Variants in PRKAR1A observed in about 807,000 individuals in gnomAD.
The protein encoded by PRKAR1A is cAMP-dependent protein kinase type I-alpha regulatory subunit.
Under a neutral mutation model 52.0 loss-of-function variants are expected in PRKAR1A, and 3 were observed. That is an observed-to-expected ratio of 0.06 (90% confidence interval 0.03 to 0.15). The LOEUF is 0.15. Among genes scored for constraint, PRKAR1A ranks in the 10% least tolerant of loss-of-function variants. PRKAR1A has a pLI of 1.00. For missense variants in PRKAR1A, 240 were observed against 477.4 expected (o/e 0.50, Z 4.63); for synonymous variants, 188 against 168.4 (o/e 1.12, Z -0.90).
At chr17:68,510,621 A>G (rs996368397), upstream of PRKAR1A, among the ~76,000 whole-genome samples, 2 of 152,156 alleles carry the variant, frequency 1.3e-5, no homozygotes, top group Non-Finnish European at 2.9e-5. Flanking sequence ...GCTGCTTGCC[A>G]GCGTAGGGTT....
the PRKAR1A span, chr17:68,433,546 C>T: frequency 1.2e-6 from 2 of 1,613,952 alleles, no homozygotes; most frequent in East Asian, 2.2e-5. Flanking sequence ...TGAATCCATA[C>T]TGAACACTAG....
At chr17:68,550,948 T>C in intron 11 of PRKAR1A, 1 of 669,726 alleles carries the variant, frequency 1.5e-6, no homozygotes, top group Non-Finnish European at 2.1e-6. Flanking sequence ...ACTGGGGCTC[T>C]CAATGGGCCT....
At chr17:68,431,255 G>A in the PRKAR1A span, among the ~76,000 whole-genome samples, 14 of 152,156 alleles carry the variant, frequency 9.2e-5, no homozygotes, top group East Asian at 3.9e-4. Flanking sequence ...AGGGAGAGGC[G>A]GATGAGGTTC....
the PRKAR1A span, chr17:68,420,478 T>G: frequency 5.0e-6 from 8 of 1,603,190 alleles, no homozygotes; most frequent in Non-Finnish European, 6.8e-6. Context: ...CCAATTTTTA[T>G]TCCACGAGGA....
the PRKAR1A span, among the ~76,000 whole-genome samples, chr17:68,477,416 C>T: frequency 6.6e-6 from 1 of 152,192 alleles, no homozygotes; most frequent in Non-Finnish European, 1.5e-5. Context: ...GTTTTACAAT[C>T]TTAATGTCAT....
At chr17:68,491,747 C>G in the PRKAR1A span, among the ~76,000 whole-genome samples, 1 of 151,036 alleles carries the variant, frequency 6.6e-6, no homozygotes, top group East Asian at 1.9e-4. Context: ...TCACAAATAG[C>G]AAAAGCAGAA....
chr17:68,429,147 A>G, the PRKAR1A span, among the ~76,000 whole-genome samples: 2 of 152,180 alleles, frequency 1.3e-5, no homozygotes, highest in African/African-American at 4.8e-5. Flanking sequence ...TGAACGTGAC[A>G]GTGTGGATGA....
chr17:68,538,794 T>C (rs2086171633), intron 11 of PRKAR1A, among the ~76,000 whole-genome samples: 1 of 152,208 alleles, frequency 6.6e-6, no homozygotes, highest in Non-Finnish European at 1.5e-5. Flanking sequence ...AATTGAAAGG[T>C]TTAAAGGATT....
At chr17:68,426,009 A>T in the PRKAR1A span, 2 of 1,276,068 alleles carry the variant, frequency 1.6e-6, no homozygotes, top group Non-Finnish European at 2.3e-6. Flanking sequence ...TGCCTCTCGT[A>T]TGAGGCGAAG....
the PRKAR1A span, chr17:68,420,187 A>C: frequency 6.2e-7 from 1 of 1,613,202 alleles, no homozygotes; most frequent in Non-Finnish European, 8.5e-7. Context: ...TTCCCTCTCT[A>C]GGTGGAGCCA....
the PRKAR1A span, among the ~76,000 whole-genome samples, chr17:68,496,295 G>GCAA: frequency 1.3e-5 from 2 of 151,254 alleles, no homozygotes; most frequent in Non-Finnish European, 2.9e-5. Context: ...ACCTCCCTTG[G>GCAA]CCTCCCAAAG....
Position 68,533,242 on chromosome 17 carries a change from A to C in PRKAR1A, c.*2793A>C, listed in dbSNP as rs533796167. On this transcript the variant is annotated 3_prime_UTR_variant, in exon 11 of 11. Coordinates refer to ENST00000589228, the MANE Select transcript of PRKAR1A (RefSeq NM_002734.5). ...AGATTTCTGAGGAGTGAGATGATTA[A>C]GTTGTATTCATTAGTGTATTGGTAT... is the stretch of plus-strand genomic sequence containing the variant. The C allele has an allele frequency of 9.4e-7, 1 of 1,061,440 alleles. No individual in the cohort carries two copies. The highest frequency in any genetic ancestry group is 1.6e-5 in the African/African-American group (1 of 61,110). The allele number at this position is 1,061,440 out of a possible 1,614,324, so 65.8% of individuals were successfully genotyped here. A position where few individuals can be genotyped will look rare whatever the true frequency, so the allele number is the denominator to read the frequency against.
chr17:68,540,067 G>GA (rs2143463990), intron 11 of PRKAR1A: 2 of 1,005,756 alleles, frequency 2.0e-6, no homozygotes, highest in East Asian at 4.9e-5. Flanking sequence ...CATCACTTGA[G>GA]AGACAGGGGT....
chr17:68,515,910 C>G (rs1174211593), intron 2 of PRKAR1A: 1 of 253,402 alleles, frequency 3.9e-6, no homozygotes, highest in African/African-American at 2.3e-5. Context: ...ATAAGAAATT[C>G]TATAGTTCTT....
intron 8 of PRKAR1A, 63 bp downstream of exon 8, chr17:68,527,963 G>C: frequency 7.0e-7 from 1 of 1,425,394 alleles, no homozygotes; most frequent in Non-Finnish European, 9.9e-7. Flanking sequence ...GAATTGGATG[G>C]ACTTGGGAAA....
At chr17:68,487,740 C>T in the PRKAR1A span, among the ~76,000 whole-genome samples, 2 of 149,962 alleles carry the variant, frequency 1.3e-5, no homozygotes, top group Non-Finnish European at 3.0e-5. Context: ...GCGGAGGTTG[C>T]AGTGAGCTGA....
At chr17:68,514,635 A>G (rs1368259004) in intron 1 of PRKAR1A, among the ~76,000 whole-genome samples, 1 of 152,216 alleles carries the variant, frequency 6.6e-6, no homozygotes. Context: ...AAGTGTTTTA[A>G]CATTCTCCTG....
At chr17:68,537,555 A>G (rs142137059), downstream of PRKAR1A, 17 of 1,613,464 alleles carry the variant, frequency 1.1e-5, no homozygotes, top group South Asian at 8.8e-5. The surrounding 1 kb of genome is among the most constrained non-coding windows in gnomAD (Gnocchi z 4.2). Flanking sequence ...TCTGCTGTCC[A>G]TGGGCCACTA....
chr17:68,501,875 G>A, the PRKAR1A span, among the ~76,000 whole-genome samples: 12 of 152,164 alleles, frequency 7.9e-5, no homozygotes, highest in Admixed American at 5.2e-4. Context: ...TTCTTCCTGT[G>A]TTCTCTGATT....
Sources: gnomAD v4.1 joint callset for allele counts (sites outside exome capture counted in the v4.1 genomes callset) on GRCh38, gnomAD v4.1.1 for gene constraint, Gnocchi (gnomAD v3.1) non-coding constraint, MANE v1.5 for transcripts, NCBI Gene and HGNC (gene_info 2026-07-23, HGNC 2026-07-21) for gene names.